Variants in PARP10 observed in about 807,000 individuals in gnomAD.
PARP10 encodes the protein poly(ADP-ribose) polymerase family member 10.
PARP10 carries 56 observed loss-of-function variants against 82.4 expected under a neutral mutation model. The ratio of observed to expected loss-of-function variants is 0.68; its 90% CI spans 0.55 to 0.85. The LOEUF is 0.85. PARP10 is among the 40% of genes least tolerant of loss of function. PARP10 has a pLI of 0.00. For missense variants in PARP10, 1,227 were observed against 1,379.4 expected (o/e 0.89, Z 1.75); for synonymous variants, 576 against 601.1 (o/e 0.96, Z 0.61).
At chr8:143,978,344 G>C (rs995429532) in intron 9 of PARP10, among the ~76,000 whole-genome samples, 1 of 152,142 alleles carries the variant, frequency 6.6e-6, no homozygotes, top group East Asian at 1.9e-4. Context: ...CCACTCAAGC[G>C]AGGCCTCTGC....
At chr8:143,982,297 G>T (rs1362775643) in intron 9 of PARP10, among the ~76,000 whole-genome samples, 3 of 152,090 alleles carry the variant, frequency 2.0e-5, no homozygotes, top group Middle Eastern at 3.2e-3. Context: ...GTGAAACCCC[G>T]TCTCCACTAA....
rs1361369035 is a variant in PARP10 at position 144,008,020 on chromosome 8, G to A, written c.-80+4510C>T. Among the ~76,000 whole-genome samples, 3 of 152,176 alleles carry A rather than the reference G, an allele frequency of 2.0e-5. No individual in the cohort carries two copies. Among genetic ancestry groups the A allele is most frequent in the Admixed American group, 6.5e-5 (1 of 15,276 alleles). ...GGAGAGGAGTCACTGCCGACGTCCC[G>A]GAGGGCCCTGGAAGTCAAATGCCAA... On this transcript the variant is annotated intron_variant, in intron 1 of 3. Transcript: ENST00000530478. This position sits in a 1 kb window ranked among gnomAD's most constrained non-coding sequence, Gnocchi z 4.0.
Position 143,984,877 on chromosome 8 carries a change from C to A in PARP10, c.1125G>T (p.Gly375=). ...LRPVGLQEQE[G]PMSLGPVGSA... is the part of the protein sequence containing the mutation. ...ACCCCACAGGCCCCAGGCTCATGGG[C>A]CCCTCCTGTTCCTGCAACCCCACAG... The change falls in exon 5 of 11, where the codon GGG becomes GGT. Residue 375 remains glycine (G), a synonymous_variant. Coordinates refer to ENST00000313028, the MANE Select transcript of PARP10 (RefSeq NM_032789.5). 3.1e-6 allele frequency: 5 copies of A among 1,613,876 alleles called. No homozygotes were observed. Among genetic ancestry groups the A allele is most frequent in the Non-Finnish European group, 2.5e-6 (3 of 1,179,928 alleles).
At chr8:143,980,318 T>TAAAA (rs1564247548) in intron 9 of PARP10, among the ~76,000 whole-genome samples, 13 of 15,680 alleles carry the variant, frequency 8.3e-4, no homozygotes, top group African/African-American at 1.8e-3. Flanking sequence ...AGATTCCGTC[T>TAAAA]CAAAAAAAAA....
At chr8:143,979,928 C>T (rs1271334512) in intron 9 of PARP10, among the ~76,000 whole-genome samples, 3 of 145,916 alleles carry the variant, frequency 2.1e-5, no homozygotes, top group Non-Finnish European at 3.0e-5. Flanking sequence ...AGGAGAATGG[C>T]GTGAACGCAG....
intron 9 of PARP10, among the ~76,000 whole-genome samples, chr8:143,979,461 G>A (rs78795499): frequency 6.6e-6 from 1 of 152,090 alleles, no homozygotes; most frequent in Non-Finnish European, 1.5e-5. Context: ...AAATATCTGA[G>A]GAAAAACATA....
At chr8:144,007,331 G>A (rs900404480) in intron 1 of PARP10, among the ~76,000 whole-genome samples, 2 of 152,164 alleles carry the variant, frequency 1.3e-5, no homozygotes, top group Non-Finnish European at 2.9e-5. Flanking sequence ...CTCCTCTTGT[G>A]GGGACTGTCT....
chr8:143,989,152 G>T (rs540379001), upstream of PARP10, among the ~76,000 whole-genome samples: 30 of 152,386 alleles, frequency 2.0e-4, no homozygotes, highest in East Asian at 5.8e-3. The surrounding 1 kb of genome is among the most constrained non-coding windows in gnomAD (Gnocchi z 4.3). Context: ...CCTGGGAGAG[G>T]CCGGCCCTCC....
intron 9 of PARP10, among the ~76,000 whole-genome samples, chr8:143,982,093 T>C (rs1199556653): frequency 2.0e-5 from 3 of 151,826 alleles, no homozygotes; most frequent in Admixed American, 6.6e-5. Flanking sequence ...CAGCCAGAGG[T>C]TCTTTTTGCA....
At chr8:143,992,429 G>GCCCAGC, upstream of PARP10, 1 of 1,613,626 alleles carries the variant, frequency 6.2e-7, no homozygotes, top group Non-Finnish European at 8.5e-7. Flanking sequence ...GCTTTCCCAG[G>GCCCAGC]CCCAGCCCCA....
chr8:143,983,851 C>G, intron 7 of PARP10, 40 bp from the exon 8 acceptor site: 3 of 1,531,828 alleles, frequency 2.0e-6, no homozygotes, highest in Non-Finnish European at 2.6e-6. Flanking sequence ...GGGCTGGACC[C>G]AGGAGGAGTT....
chr8:143,988,133 A>AT (rs1207987187), upstream of PARP10, among the ~76,000 whole-genome samples: 56 of 128,890 alleles, frequency 4.3e-4, no homozygotes, highest in African/African-American at 1.6e-3. Context: ...CTCTGGCATG[A>AT]TCTCCCTTAC....
chr8:143,994,024 G>T (rs889062294), upstream of PARP10, among the ~76,000 whole-genome samples: 1 of 152,206 alleles, frequency 6.6e-6, no homozygotes, highest in African/African-American at 2.4e-5. Context: ...CCTGCAGGGG[G>T]TCCCTCCATT....
intron 9 of PARP10, 150 bp downstream of exon 9, chr8:143,982,782 C>A: frequency 7.5e-7 from 1 of 1,331,132 alleles, no homozygotes; most frequent in Non-Finnish European, 1.0e-6. Flanking sequence ...TGGGAACGCC[C>A]TCTGGGCAGA....
In PARP10 at chr8:143,977,212, C is replaced by T; in HGVS notation, c.*272G>A. On this transcript the variant is annotated 3_prime_UTR_variant, in exon 11 of 11. Coordinates refer to ENST00000313028, the MANE Select transcript of PARP10 (RefSeq NM_032789.5). ...TTCACGTTTATTCAAACAACAGAGC[C>T]GACTCGGGCGAGGTCTGGGAGCGGC... 1 of 506,696 alleles carries T rather than the reference C, an allele frequency of 2.0e-6. No individual in the cohort carries two copies. The highest frequency in any genetic ancestry group is 3.4e-5 in the East Asian group (1 of 29,482). The allele number at this position is 506,696 out of a possible 1,614,324, so 31.4% of individuals were successfully genotyped here. A position where few individuals can be genotyped will look rare whatever the true frequency, so the allele number is the denominator to read the frequency against.
Position 143,986,057 on chromosome 8 carries a change from GCAGGCTCTCTGAAGGTGAGGACGC to G in PARP10, c.155_178del (p.Gly52_Pro59del). On this transcript the variant is annotated inframe_deletion, in exon 2 of 11. Coordinates refer to ENST00000313028, the MANE Select transcript of PARP10 (RefSeq NM_032789.5). ...GTCCCTTCAGCCAGCCCTCTCACCT[GCAGGCTCTCTGAAGGTGAGGACGC>G]CCCCACAGCCCAGTCTCTGCCAGCT... 6.2e-7 allele frequency: 1 copy of G among 1,613,556 alleles called. No individual in the cohort carries two copies. Among genetic ancestry groups the G allele is most frequent in the East Asian group, 2.2e-5 (1 of 44,862 alleles).
upstream of PARP10, chr8:143,992,067 C>T: frequency 1.9e-6 from 3 of 1,613,864 alleles, no homozygotes; most frequent in Non-Finnish European, 2.5e-6. Flanking sequence ...CCCCTGGAAC[C>T]TTGTTGCACT....
In PARP10 at chr8:143,986,071, G is replaced by A; in HGVS notation, c.165C>T (p.Thr55=). ...WQRLGCGGVL[T]FREPADAERV... ...CCCTCTCACCTGCAGGCTCTCTGAA[G>A]GTGAGGACGCCCCCACAGCCCAGTC... Residue 55 remains threonine (T), a synonymous_variant, in exon 2 of 11, where the codon ACC becomes ACT. Transcript: ENST00000313028. 6.2e-7 allele frequency: 1 copy of A among 1,614,024 alleles called. No individual in the cohort carries two copies. The highest frequency in any genetic ancestry group is 8.5e-7 in the Non-Finnish European group (1 of 1,179,978).
Position 143,977,191 on chromosome 8 carries a change from C to G in PARP10, c.*293G>C. The G allele has an allele frequency of 2.2e-6, 1 of 449,136 alleles. No homozygotes were observed. The highest frequency in any genetic ancestry group is 3.9e-6 in the Non-Finnish European group (1 of 254,078). 27.8% of individuals were successfully genotyped at this position (449,136 alleles called of 1,614,324 possible). ...TCCCTTCCGCCTGGGTTCACGTTCACGTTTATTCAAACAACAGAGCCGACT... is the reference window on the plus strand; with the variant it reads ...TCCCTTCCGCCTGGGTTCACGTTCAGGTTTATTCAAACAACAGAGCCGACT... On this transcript the variant is annotated 3_prime_UTR_variant, in exon 11 of 11. Coordinates refer to ENST00000313028, the MANE Select transcript of PARP10 (RefSeq NM_032789.5).
Sources: allele counts gnomAD v4.1 joint callset (sites outside exome capture counted in the v4.1 genomes callset), GRCh38; gene constraint gnomAD v4.1.1; non-coding constraint Gnocchi (gnomAD v3.1); transcripts MANE v1.5; gene names NCBI Gene and HGNC (gene_info 2026-07-23, HGNC 2026-07-21).